The following FAM78B variants were observed in gnomAD, a reference collection of about 807,000 sequenced individuals.
FAM78B encodes protein FAM78B.
In FAM78B, 10 loss-of-function variants were observed where a neutral mutation model predicts 20.0. The ratio of observed to expected loss-of-function variants is 0.50; its 90% CI spans 0.31 to 0.85. The LOEUF is 0.85. Among genes scored for constraint, FAM78B ranks in the 40% least tolerant of loss-of-function variants. The pLI is 0.05. For synonymous variants in FAM78B, 135 were observed against 132.8 expected, an observed-to-expected ratio of 1.02 and a Z score of -0.12; for missense variants, 283 against 345.0, an observed-to-expected ratio of 0.82 and a Z score of 1.42.
chr1:166,161,702 G>C (rs995102642), intron 1 of FAM78B, among the ~76,000 whole-genome samples: 2 of 152,230 alleles, frequency 1.3e-5, no homozygotes, highest in Non-Finnish European at 2.9e-5. Flanking sequence ...GGCTGGATGT[G>C]TGGGGAAGTA....
intron 1 of FAM78B, among the ~76,000 whole-genome samples, chr1:166,158,176 C>G (rs1001386195): frequency 7.2e-5 from 11 of 152,134 alleles, no homozygotes; most frequent in Non-Finnish European, 7.3e-5. Flanking sequence ...AAACAGAATA[C>G]TAGTCAGGTG....
chr1:166,159,597 C>A (rs1165491288), intron 1 of FAM78B, among the ~76,000 whole-genome samples: 1 of 152,166 alleles, frequency 6.6e-6, no homozygotes, highest in East Asian at 1.9e-4. Flanking sequence ...TTTGTCCCTG[C>A]TGCCTGTGGA....
At position 166,092,630 on chromosome 1, in the gene FAM78B, C is replaced by T. The variant is rs541663218; in HGVS notation, c.264-21867G>A. On this transcript the variant is annotated intron_variant, in intron 1 of 1. Transcript: ENST00000354422. ...CCCATGCTCCTCAGCTGCAAGCTGG[C>T]TGTGCCCACCCAGAACTCCAGTCCT... 9.2e-5 allele frequency among the ~76,000 whole-genome samples: 14 copies of T among 152,360 alleles called. No homozygotes were observed. In the East Asian group the frequency reaches 2.5e-3, roughly 27 times the overall value.
chr1:166,118,786 C>T (rs561294494), intron 1 of FAM78B, among the ~76,000 whole-genome samples: 5 of 152,106 alleles, frequency 3.3e-5, no homozygotes, highest in Admixed American at 6.5e-5. Flanking sequence ...GGGCTTACTT[C>T]GAGGGAGCTA....
At chr1:166,119,841 G>A (rs888576233) in intron 1 of FAM78B, among the ~76,000 whole-genome samples, 1 of 152,228 alleles carries the variant, frequency 6.6e-6, no homozygotes, top group Non-Finnish European at 1.5e-5. Context: ...CATGTGCATG[G>A]TTCTCCAGGC....
downstream of FAM78B, among the ~76,000 whole-genome samples, chr1:166,056,005 C>G (rs1651331122): frequency 6.6e-6 from 1 of 152,146 alleles, no homozygotes; most frequent in African/African-American, 2.4e-5. Context: ...ATCATGCATT[C>G]TGATAGAGAA....
chr1:166,063,386 C>G (rs1026828687), intron 2 of FAM78B, among the ~76,000 whole-genome samples: 4 of 152,008 alleles, frequency 2.6e-5, no homozygotes, highest in African/African-American at 9.7e-5. Flanking sequence ...AAGCCAGGTG[C>G]CTAGGATAAA....
At chr1:166,116,770 A>G (rs1275109314) in intron 1 of FAM78B, among the ~76,000 whole-genome samples, 1 of 152,188 alleles carries the variant, frequency 6.6e-6, no homozygotes, top group Non-Finnish European at 1.5e-5. Flanking sequence ...ACTTATGGGA[A>G]AACACTGGCT....
At chr1:166,111,136 G>A (rs961514985) in intron 1 of FAM78B, among the ~76,000 whole-genome samples, 1 of 152,166 alleles carries the variant, frequency 6.6e-6, no homozygotes, top group African/African-American at 2.4e-5. Flanking sequence ...ACAAACACTA[G>A]CATAGACTTG....
At chr1:166,094,993 T>C (rs925931051) in intron 1 of FAM78B, among the ~76,000 whole-genome samples, 1 of 152,192 alleles carries the variant, frequency 6.6e-6, no homozygotes, top group Non-Finnish European at 1.5e-5. Context: ...GAGACTTGTC[T>C]AAGGTGACCA....
chr1:166,156,951 G>C (rs773668006), intron 1 of FAM78B, among the ~76,000 whole-genome samples: 4 of 149,934 alleles, frequency 2.7e-5, no homozygotes, highest in African/African-American at 4.9e-5. Flanking sequence ...GAGCAGCCAG[G>C]GTCCTGGAGG....
chr1:166,148,262 G>C (rs192678362), intron 1 of FAM78B, among the ~76,000 whole-genome samples: 85 of 152,336 alleles, frequency 5.6e-4, no homozygotes, highest in African/African-American at 2.0e-3. Context: ...AAGAGCGATT[G>C]CAATAGTTTT....
intron 1 of FAM78B, among the ~76,000 whole-genome samples, chr1:166,111,172 G>T (rs1341509143): frequency 6.6e-6 from 1 of 152,116 alleles, no homozygotes; most frequent in Admixed American, 6.5e-5. Context: ...ATCTCCTCTG[G>T]GTCAAGCAAC....
chr1:166,155,913 T>A (rs188642106), intron 1 of FAM78B, among the ~76,000 whole-genome samples: 6 of 152,268 alleles, frequency 3.9e-5, no homozygotes, highest in African/African-American at 1.4e-4. Flanking sequence ...CAAAGCAACA[T>A]CTAATTTGCC....
chr1:166,131,476 T>G (rs1654876719), intron 1 of FAM78B, among the ~76,000 whole-genome samples: 1 of 152,102 alleles, frequency 6.6e-6, no homozygotes, highest in Non-Finnish European at 1.5e-5. Context: ...GCAAACTACC[T>G]CACAGTAGTG....
At chr1:166,103,586 T>C (rs1473718961) in intron 1 of FAM78B, among the ~76,000 whole-genome samples, 1 of 152,104 alleles carries the variant, frequency 6.6e-6, no homozygotes, top group African/African-American at 2.4e-5. Flanking sequence ...TCTATGCAAA[T>C]AAACTAGAAA....
Position 166,121,041 on chromosome 1 carries a change from G to A in FAM78B, c.263+44945C>T, listed in dbSNP as rs112579630. Among the ~76,000 whole-genome samples the A allele has an allele frequency of 6.6e-5, 10 of 152,264 alleles. 1 individual carries two copies. Among genetic ancestry groups the A allele is most frequent in the African/African-American group, 2.4e-4 (10 of 41,550 alleles). On this transcript the variant is annotated intron_variant, in intron 1 of 1. Coordinates refer to ENST00000354422, the MANE Select transcript of FAM78B (RefSeq NM_001017961.5). ...CTCATTCTTTACTAGCAAGATTATT[G>A]TCACCAGGTGCACTCTTTAAATTTG...
At chr1:166,077,647 A>G (rs1473107403) in intron 1 of FAM78B, among the ~76,000 whole-genome samples, 1 of 130,164 alleles carries the variant, frequency 7.7e-6, no homozygotes, top group African/African-American at 3.0e-5. Flanking sequence ...ATATATTTAT[A>G]TATAAATTAT....
At chr1:166,142,830 T>A (rs1655328058) in intron 1 of FAM78B, among the ~76,000 whole-genome samples, 1 of 152,092 alleles carries the variant, frequency 6.6e-6, no homozygotes. Context: ...GATGAATGGG[T>A]TGAAGGGTTA....
Sources: gnomAD v4.1 joint callset for allele counts (sites outside exome capture counted in the v4.1 genomes callset) on GRCh38, gnomAD v4.1.1 for gene constraint, MANE v1.5 for transcripts, NCBI Gene and HGNC (gene_info 2026-07-23, HGNC 2026-07-21) for gene names.